Variants in PPIL3 observed in about 807,000 individuals in gnomAD.
The protein encoded by PPIL3 is peptidylprolyl isomerase like 3.
In PPIL3, 13 loss-of-function variants were observed where a neutral mutation model predicts 20.9. That is an observed-to-expected ratio of 0.62 (90% CI 0.40 to 0.99). PPIL3 has a LOEUF of 0.99. Among genes scored for constraint, PPIL3 ranks in the 50% least tolerant of loss-of-function variants. PPIL3 has a pLI of 0.00. For synonymous variants in PPIL3, 71 were observed against 64.4 expected, an observed-to-expected ratio of 1.10 and a Z score of -0.49; for missense variants, 170 against 195.2, an observed-to-expected ratio of 0.87 and a Z score of 0.77.
intron 3 of PPIL3, among the ~76,000 whole-genome samples, chr2:200,883,931 T>C (rs1046665022): frequency 6.6e-6 from 1 of 152,142 alleles, no homozygotes; most frequent in Middle Eastern, 3.2e-3. Flanking sequence ...TCTGGCTAAT[T>C]TTTGTATTGT....
In PPIL3 at chr2:200,876,990, G is replaced by A; in HGVS notation, c.288C>T (p.Thr96=). The A allele has an allele frequency of 6.2e-7, 1 of 1,613,840 alleles. No homozygotes were observed. The highest frequency in any genetic ancestry group is 1.1e-5 in the South Asian group (1 of 91,072). ...AGGTGATGAAGAACTGAGATCCATTGGTGTTCGGGCCATTATTAGCCATAG... is the reference window on the plus strand; with the variant it reads ...AGGTGATGAAGAACTGAGATCCATTAGTGTTCGGGCCATTATTAGCCATAG... ...VVSMANNGPN[T]NGSQFFITYG... is the part of the protein sequence containing the mutation. The change falls in exon 6 of 7, where the codon ACC becomes ACT. Residue 96 remains threonine (T), a synonymous_variant. Coordinates refer to ENST00000392283, the MANE Select transcript of PPIL3 (RefSeq NM_130906.3).
At chr2:200,880,857 A>T (rs1185754648) in intron 5 of PPIL3, among the ~76,000 whole-genome samples, 8 of 152,126 alleles carry the variant, frequency 5.3e-5, no homozygotes, top group Non-Finnish European at 1.0e-4. Context: ...GACTCCACAG[A>T]GGTTTGAAAA....
At chr2:200,877,604 T>C (rs1165619857) in intron 5 of PPIL3, 1 of 152,356 alleles carries the variant, frequency 6.6e-6, no homozygotes, top group Non-Finnish European at 1.5e-5. Flanking sequence ...AGTTTCTTTA[T>C]CTGTAAAACA....
chr2:200,880,123 T>C (rs1237397690), intron 5 of PPIL3, among the ~76,000 whole-genome samples: 1 of 152,108 alleles, frequency 6.6e-6, no homozygotes, highest in Non-Finnish European at 1.5e-5. Context: ...GACATGCACC[T>C]GTAGTCCCAG....
At chr2:200,881,344 C>T (rs2039714524) in intron 5 of PPIL3, 77 bp downstream of exon 5, 1 of 1,077,470 alleles carries the variant, frequency 9.3e-7, no homozygotes, top group Admixed American at 2.2e-5. Flanking sequence ...TAACTTGTAT[C>T]ACTATGACAC....
chr2:200,871,911 G>C (rs1445642780), intron 6 of PPIL3, among the ~76,000 whole-genome samples: 1 of 152,042 alleles, frequency 6.6e-6, no homozygotes, highest in Non-Finnish European at 1.5e-5. Flanking sequence ...CCAATTCTCT[G>C]GGTATCCCAC....
In PPIL3 at chr2:200,888,987, T is replaced by G. The variant is rs1307111827; in HGVS notation, c.-102A>C. On this transcript the variant is annotated 5_prime_UTR_variant, in exon 1 of 7. Transcript: ENST00000392283. ...TTCACCACTTCGTCTAGCACAGCCG[T>G]TGTTAAAACAGGAAAAATGCAATCG... is the stretch of plus-strand genomic sequence containing the variant. The G allele has an allele frequency of 2.1e-6, 1 of 471,240 alleles. No homozygotes were observed. The highest frequency in any genetic ancestry group is 4.4e-6 in the Non-Finnish European group (1 of 227,074). The allele number at this position is 471,240 out of a possible 1,614,324, so 29.2% of individuals were successfully genotyped here.
chr2:200,879,211 C>T (rs933812876), intron 5 of PPIL3, among the ~76,000 whole-genome samples: 7 of 152,186 alleles, frequency 4.6e-5, no homozygotes, highest in East Asian at 3.9e-4. Flanking sequence ...CACTGCCTCC[C>T]GGGTTCAGGC....
intron 5 of PPIL3, among the ~76,000 whole-genome samples, chr2:200,877,827 C>A (rs1411864677): frequency 6.6e-6 from 1 of 152,196 alleles, no homozygotes; most frequent in Non-Finnish European, 1.5e-5. Flanking sequence ...CATGGGCAGT[C>A]AGTTTATAAC....
At position 200,888,949 on chromosome 2, in the gene PPIL3, T is replaced by C. The variant is rs1296232161; in HGVS notation, c.-71+7A>G. The C allele has an allele frequency of 2.1e-6, 1 of 471,224 alleles. No homozygotes were observed. The highest frequency in any genetic ancestry group is 1.5e-5 in the South Asian group (1 of 64,574). The allele number at this position is 471,224 out of a possible 1,614,324, so 29.2% of individuals were successfully genotyped here. ...TGAATGAAAGAATTAATGACGTTACTCCATACTTGGGCTTCACCACTTCGT... is the reference window on the plus strand; with the variant it reads ...TGAATGAAAGAATTAATGACGTTACCCCATACTTGGGCTTCACCACTTCGT... On this transcript the variant is annotated splice_region_variant and intron_variant, in intron 1 of 6. Coordinates refer to ENST00000392283, the MANE Select transcript of PPIL3 (RefSeq NM_130906.3).
chr2:200,882,058 C>T (rs536648636), intron 4 of PPIL3, among the ~76,000 whole-genome samples: 8 of 152,242 alleles, frequency 5.3e-5, no homozygotes, highest in African/African-American at 1.9e-4. Context: ...GAACAACACA[C>T]AGCAGGGCTA....
At chr2:200,875,202 T>A (rs2039464312) in intron 6 of PPIL3, among the ~76,000 whole-genome samples, 1 of 152,194 alleles carries the variant, frequency 6.6e-6, no homozygotes, top group Admixed American at 6.6e-5. Flanking sequence ...GCAATGTGGC[T>A]GAAATACATT....
At chr2:200,874,918 G>A (rs1041733189) in intron 6 of PPIL3, among the ~76,000 whole-genome samples, 12 of 152,016 alleles carry the variant, frequency 7.9e-5, no homozygotes, top group African/African-American at 2.4e-4. Flanking sequence ...TTGTAGAGAC[G>A]GGGTTTCACT....
intron 2 of PPIL3, 43 bp downstream of exon 2, chr2:200,887,570 A>G (rs2124846657): frequency 6.8e-7 from 1 of 1,478,264 alleles, no homozygotes; most frequent in Non-Finnish European, 9.3e-7. Flanking sequence ...TCTAAAAATT[A>G]CTTATAATGA....
At chr2:200,875,461 T>A (rs1221060495) in intron 6 of PPIL3, among the ~76,000 whole-genome samples, 1 of 152,100 alleles carries the variant, frequency 6.6e-6, no homozygotes, top group Non-Finnish European at 1.5e-5. Flanking sequence ...AGAGATGGGG[T>A]TTCACCATGT....
intron 6 of PPIL3, 55 bp downstream of exon 6, chr2:200,876,864 C>T: frequency 8.0e-7 from 1 of 1,246,642 alleles, no homozygotes; most frequent in Non-Finnish European, 1.2e-6. Flanking sequence ...CACAGCTAAG[C>T]ATATGCACCA....
At chr2:200,875,581 C>CT (rs372441609) in intron 6 of PPIL3, among the ~76,000 whole-genome samples, 127 of 144,880 alleles carry the variant, frequency 8.8e-4, no homozygotes, top group South Asian at 2.2e-3. Context: ...TTTTTTCTAT[C>CT]TTTTTTTTTT....
chr2:200,872,388 T>C (rs1418311213), intron 6 of PPIL3, among the ~76,000 whole-genome samples: 1 of 152,102 alleles, frequency 6.6e-6, no homozygotes, highest in African/African-American at 2.4e-5. Context: ...TCAAACCCTG[T>C]TTAGGGTTTT....
At chr2:200,884,605 T>G (rs918590703) in intron 3 of PPIL3, among the ~76,000 whole-genome samples, 3 of 151,960 alleles carry the variant, frequency 2.0e-5, no homozygotes, top group African/African-American at 7.2e-5. Flanking sequence ...CCTGGCATGG[T>G]GGCACACGCC....
Sources: gnomAD v4.1 joint callset for allele counts (sites outside exome capture counted in the v4.1 genomes callset) on GRCh38, gnomAD v4.1.1 for gene constraint, MANE v1.5 for transcripts, NCBI Gene and HGNC (gene_info 2026-07-23, HGNC 2026-07-21) for gene names.